Variants in IL1RAPL1 observed in about 807,000 individuals in gnomAD.
IL1RAPL1 encodes interleukin 1 receptor accessory protein like 1, also known as interleukin-1 receptor accessory protein-like 1.
In IL1RAPL1, 3 loss-of-function variants were observed where a neutral mutation model predicts 48.4. The ratio of observed to expected loss-of-function variants is 0.06; its 90% CI spans 0.03 to 0.16. IL1RAPL1 has a LOEUF of 0.16. Among genes scored for constraint, IL1RAPL1 ranks in the 10% least tolerant of loss-of-function variants. IL1RAPL1 has a pLI of 1.00. For synonymous variants in IL1RAPL1, 185 were observed against 187.7 expected (o/e 0.99, Z 0.12); for missense variants, 349 against 530.6 (o/e 0.66, Z 3.36).
intron 6 of IL1RAPL1, among the ~76,000 whole-genome samples, chrX:29,685,912 G>A (rs1392741042): frequency 1.8e-5 from 2 of 109,854 alleles, no homozygotes; most frequent in Admixed American, 1.9e-4. Flanking sequence ...TTGAACCTGG[G>A]AGGCGGAGGT....
At chrX:29,577,523 C>A (rs1280926509) in intron 5 of IL1RAPL1, among the ~76,000 whole-genome samples, 1 of 111,636 alleles carries the variant, frequency 9.0e-6, no homozygotes, top group Non-Finnish European at 1.9e-5. Flanking sequence ...CTCAGTACCC[C>A]AATCTGAGCT....
At chrX:29,848,336 C>G (rs1228799764) in intron 6 of IL1RAPL1, among the ~76,000 whole-genome samples, 2 of 110,589 alleles carry the variant, frequency 1.8e-5, no homozygotes, top group Admixed American at 9.6e-5. Context: ...GCTACTGATT[C>G]TTCCCTAATC....
chrX:28,645,344 C>T (rs112500829), intron 1 of IL1RAPL1, among the ~76,000 whole-genome samples: 6,523 of 61,506 alleles, frequency 0.11, 335 homozygotes, highest in African/African-American at 0.21. Context: ...TGAAATTCCG[C>T]CTCAAAAAAA....
At chrX:29,495,597 G>C (rs1935204268) in intron 5 of IL1RAPL1, among the ~76,000 whole-genome samples, 1 of 111,243 alleles carries the variant, frequency 9.0e-6, no homozygotes, top group African/African-American at 3.3e-5. Context: ...GTGTGTTAGC[G>C]ATAAGGTGTG....
chrX:29,524,058 A>G (rs183653847), intron 5 of IL1RAPL1, among the ~76,000 whole-genome samples: 33 of 110,814 alleles, frequency 3.0e-4, no homozygotes, highest in African/African-American at 1.1e-3. Flanking sequence ...CATATTATCA[A>G]TAATATTATA....
chrX:28,739,701 A>G (rs999614083), intron 1 of IL1RAPL1, among the ~76,000 whole-genome samples: 2 of 111,160 alleles, frequency 1.8e-5, no homozygotes, highest in African/African-American at 6.5e-5. Flanking sequence ...TACTTTCTAT[A>G]AGCTGAGGCT....
intron 1 of IL1RAPL1, among the ~76,000 whole-genome samples, chrX:28,766,091 T>G (rs1421818355): frequency 9.0e-6 from 1 of 111,713 alleles, no homozygotes; most frequent in African/African-American, 3.3e-5. Context: ...TGTCATTCTT[T>G]CCCAAATTGA....
Position 28,865,844 on chromosome X carries a change from A to G in IL1RAPL1, c.82+76419A>G, listed in dbSNP as rs376785628. Among the ~76,000 whole-genome samples the G allele has an allele frequency of 3.1e-4, 35 of 112,283 alleles. No individual in the cohort carries two copies. The East Asian group carries it at 7.0e-3, about 23-fold the overall frequency. On this transcript the variant is annotated intron_variant, in intron 2 of 10. Coordinates refer to ENST00000378993, the MANE Select transcript of IL1RAPL1 (RefSeq NM_014271.4). Reference sequence around the variant, plus strand: ...TGTGATCAATTGGCAAAAGCTGTATAGAAATTGAGTAAGATGAGAACTGTC... The same window carrying G: ...TGTGATCAATTGGCAAAAGCTGTATGGAAATTGAGTAAGATGAGAACTGTC...
intron 6 of IL1RAPL1, among the ~76,000 whole-genome samples, chrX:29,858,850 T>C (rs1931525280): frequency 9.0e-6 from 1 of 110,957 alleles, no homozygotes; most frequent in African/African-American, 3.3e-5. Context: ...TCACACTTGA[T>C]CATCAACCCT....
chrX:28,994,627 T>C (rs1054063582), intron 2 of IL1RAPL1, among the ~76,000 whole-genome samples: 5 of 111,527 alleles, frequency 4.5e-5, no homozygotes, highest in African/African-American at 6.5e-5. Context: ...TTTTTGTGTT[T>C]GTTGTTGTTG....
intron 5 of IL1RAPL1, among the ~76,000 whole-genome samples, chrX:29,632,866 A>G (rs769982794): frequency 3.4e-4 from 38 of 112,127 alleles, no homozygotes; most frequent in African/African-American, 1.2e-3. Context: ...CTGCTACATG[A>G]TACCCATTCT....
chrX:29,377,251 A>G, intron 3 of IL1RAPL1, among the ~76,000 whole-genome samples: 1 of 112,176 alleles, frequency 8.9e-6, no homozygotes, highest in South Asian at 3.7e-4. Context: ...TGGGGGTGTC[A>G]TTAGATGTAA....
chrX:29,173,420 A>T (rs1377603987), intron 2 of IL1RAPL1, among the ~76,000 whole-genome samples: 1 of 112,188 alleles, frequency 8.9e-6, no homozygotes. Flanking sequence ...CAATGAATAG[A>T]TAGCTACTCT....
At position 29,044,871 on chromosome X, in the gene IL1RAPL1, A is replaced by G. The variant is rs2147419330; in HGVS notation, c.83-238067A>G. 1.8e-5 allele frequency among the ~76,000 whole-genome samples: 2 copies of G among 111,208 alleles called. 1 individual carries two copies. The highest frequency in any genetic ancestry group is 7.6e-4 in the South Asian group (2 of 2,626). On this transcript the variant is annotated intron_variant, in intron 2 of 10. Transcript: ENST00000378993. Reference sequence around the variant, plus strand: ...TCTCTATTGCTTTTCATGATTAGCTAGTACATTTATTATTTTTCTCATGAA... The same window carrying G: ...TCTCTATTGCTTTTCATGATTAGCTGGTACATTTATTATTTTTCTCATGAA...
chrX:29,885,302 A>G, intron 6 of IL1RAPL1, among the ~76,000 whole-genome samples: 1 of 112,197 alleles, frequency 8.9e-6, no homozygotes, highest in East Asian at 2.8e-4. Context: ...AGCATTTCTG[A>G]GGTCTACCTT....
chrX:28,832,487 C>G, intron 2 of IL1RAPL1, among the ~76,000 whole-genome samples: 1 of 111,112 alleles, frequency 9.0e-6, no homozygotes, highest in Admixed American at 9.7e-5. Flanking sequence ...AAAACTGTTT[C>G]TTTCCAAAAT....
intron 1 of IL1RAPL1, among the ~76,000 whole-genome samples, chrX:28,652,272 G>A (rs747920181): frequency 9.0e-6 from 1 of 110,787 alleles, no homozygotes; most frequent in Non-Finnish European, 1.9e-5. Flanking sequence ...AAATCCTCGC[G>A]GATAGGAGCA....
At chrX:28,753,476 A>G (rs917572020) in intron 1 of IL1RAPL1, among the ~76,000 whole-genome samples, 1 of 112,192 alleles carries the variant, frequency 8.9e-6, no homozygotes, top group African/African-American at 3.2e-5. Context: ...TAGGTTCCGA[A>G]TCTTCCTCCT....
intron 6 of IL1RAPL1, among the ~76,000 whole-genome samples, chrX:29,678,604 G>A (rs1926358847): frequency 9.2e-6 from 1 of 108,152 alleles, no homozygotes; most frequent in Non-Finnish European, 1.9e-5. Flanking sequence ...TCCTGACCTC[G>A]TGATCTGCCC....
Sources: gnomAD v4.1 joint callset for allele counts (sites outside exome capture counted in the v4.1 genomes callset) on GRCh38, gnomAD v4.1.1 for gene constraint, MANE v1.5 for transcripts, NCBI Gene and HGNC (gene_info 2026-07-23, HGNC 2026-07-21) for gene names.